GLI2: variants seen among roughly 807,000 people sequenced by gnomAD.
GLI2 encodes GLI family zinc finger 2, also known as transcription activator GLI2.
Under a neutral mutation model 78.9 loss-of-function variants are expected in GLI2, and 22 were observed. The observed-to-expected ratio is 0.28, with a 90% CI of 0.20 to 0.40. GLI2 has a LOEUF of 0.40. Among genes scored for constraint, GLI2 ranks in the 10% least tolerant of loss-of-function variants. The pLI is 1.00. For synonymous variants in GLI2, 974 were observed against 963.7 expected (o/e 1.01, Z -0.20); for missense variants, 2,097 against 2,213.2 (o/e 0.95, Z 1.05).
intron 1 of GLI2, among the ~76,000 whole-genome samples, chr2:120,769,504 G>A (rs117545885): frequency 9.2e-5 from 14 of 152,316 alleles, no homozygotes; most frequent in Admixed American, 6.5e-4. Flanking sequence ...CTGGCCCAGC[G>A]CTCCCAGCTA....
chr2:120,801,161 C>A (rs1453878363), intron 2 of GLI2, among the ~76,000 whole-genome samples: 1 of 151,986 alleles, frequency 6.6e-6, no homozygotes, highest in Non-Finnish European at 1.5e-5. Context: ...TTTTTTGAGA[C>A]AGAGTCTCAC....
rs544717573 is a variant in GLI2, at chr2:120,825,807, C to T, written c.148+28339C>T. On this transcript the variant is annotated intron_variant, in intron 2 of 13. Transcript: ENST00000361492. Reference sequence around the variant, plus strand: ...TGTGGGTGTCTTCTGACAAGTCTTACCCCTGCCCCTAGGGCTAAGCCCCAA... The same window carrying T: ...TGTGGGTGTCTTCTGACAAGTCTTATCCCTGCCCCTAGGGCTAAGCCCCAA... Among the ~76,000 whole-genome samples the T allele has an allele frequency of 7.2e-5, 11 of 152,352 alleles. 1 individual carries two copies. Among genetic ancestry groups the T allele is most frequent in the Admixed American group, 7.2e-4 (11 of 15,310 alleles).
At chr2:120,940,518 T>C (rs978587359) in intron 3 of GLI2, among the ~76,000 whole-genome samples, 7 of 152,166 alleles carry the variant, frequency 4.6e-5, no homozygotes, top group African/African-American at 1.7e-4. Context: ...CCCTCTCAGA[T>C]TGCACCAACA....
At chr2:120,784,770 C>A (rs962737063) in intron 1 of GLI2, among the ~76,000 whole-genome samples, 65 of 152,274 alleles carry the variant, frequency 4.3e-4, no homozygotes, top group African/African-American at 1.5e-3. Context: ...GCTCACTCAT[C>A]CCTGCCTCCA....
rs536330173 is a variant in GLI2 at position 120,924,896 on chromosome 2, C to T, written c.149-2465C>T. On this transcript the variant is annotated intron_variant, in intron 2 of 13. Transcript: ENST00000361492. ...GTGTCCTATCTGCACAGTCTCCGGG[C>T]GAAGCGCCTCCTGTGTGTGGGCTTT... Among the ~76,000 whole-genome samples, 53 of 152,346 alleles carry T rather than the reference C, an allele frequency of 3.5e-4. 2 individuals carry two copies. Among genetic ancestry groups the T allele is most frequent in the Admixed American group, 2.5e-3 (38 of 15,302 alleles).
intron 1 of GLI2, among the ~76,000 whole-genome samples, chr2:120,774,396 C>G (rs188085341): frequency 2.6e-5 from 4 of 152,336 alleles, no homozygotes; most frequent in East Asian, 3.9e-4. Context: ...CCACCACTAT[C>G]TAAACCACTA....
At position 120,855,603 on chromosome 2, in the gene GLI2, C is replaced by T. The variant is rs550631048; in HGVS notation, c.148+58135C>T. Among the ~76,000 whole-genome samples the T allele has an allele frequency of 1.4e-4, 21 of 152,340 alleles. No homozygotes were observed. The South Asian group carries it at 1.9e-3, about 14-fold the overall frequency. ...TCCCAAAGACGCTCTCCAGAGAAAC[C>T]GTGGAGCCCCCCAGGGGAATTGAGA... On this transcript the variant is annotated intron_variant, in intron 2 of 13. Transcript: ENST00000361492.
chr2:120,741,841 C>G (rs1162676836), intron 1 of GLI2, among the ~76,000 whole-genome samples: 3 of 152,174 alleles, frequency 2.0e-5, no homozygotes, highest in Admixed American at 6.5e-5. Context: ...AGCCGCACAC[C>G]GGCCGCCGCC....
At chr2:120,843,088 C>G (rs1197352013) in intron 2 of GLI2, among the ~76,000 whole-genome samples, 2 of 152,186 alleles carry the variant, frequency 1.3e-5, no homozygotes, top group Non-Finnish European at 2.9e-5. Flanking sequence ...CAAGATAAGA[C>G]CTTATCTGCT....
chr2:120,860,236 AGAG>A (rs981941368), intron 2 of GLI2, among the ~76,000 whole-genome samples: 3 of 152,166 alleles, frequency 2.0e-5, no homozygotes, highest in African/African-American at 7.2e-5. Context: ...TCAGGTGTTT[AGAG>A]TAAGGTCAAG....
chr2:120,853,245 C>T (rs1046583291), intron 2 of GLI2, among the ~76,000 whole-genome samples: 5 of 152,200 alleles, frequency 3.3e-5, no homozygotes, highest in East Asian at 1.9e-4. Flanking sequence ...CAGACCAGGA[C>T]GAGGAGGTTG....
At chr2:120,787,763 G>C (rs1684038485) in intron 1 of GLI2, among the ~76,000 whole-genome samples, 1 of 152,252 alleles carries the variant, frequency 6.6e-6, no homozygotes, top group Admixed American at 6.5e-5. Flanking sequence ...TGCTGGGTCA[G>C]CGGTGCTGGG....
intron 2 of GLI2, among the ~76,000 whole-genome samples, chr2:120,865,157 G>A (rs140730266): frequency 1.2e-3 from 176 of 152,232 alleles, no homozygotes; most frequent in Non-Finnish European, 1.8e-3. Flanking sequence ...CTGACTAAAC[G>A]TGGCTCGAGT....
At chr2:120,918,379 G>T (rs1194398036) in intron 2 of GLI2, among the ~76,000 whole-genome samples, 5 of 151,874 alleles carry the variant, frequency 3.3e-5, no homozygotes, top group Non-Finnish European at 5.9e-5. Context: ...TCTGCTCAGA[G>T]ATGGGGAAGG....
intron 3 of GLI2, among the ~76,000 whole-genome samples, chr2:120,948,903 C>T (rs1045439564): frequency 6.6e-6 from 1 of 152,098 alleles, no homozygotes; most frequent in South Asian, 2.1e-4. Context: ...TGGGGAGGAC[C>T]GAGAAGTCAG....
chr2:120,967,717 G>A (rs570582898), intron 5 of GLI2, among the ~76,000 whole-genome samples: 3 of 152,358 alleles, frequency 2.0e-5, no homozygotes, highest in African/African-American at 7.2e-5. Flanking sequence ...TGGGTGATGT[G>A]TGCACCTGCG....
intron 6 of GLI2, 68 bp downstream of exon 6, chr2:120,968,983 G>A: frequency 7.9e-7 from 1 of 1,272,726 alleles, no homozygotes; most frequent in Middle Eastern, 1.9e-4. Flanking sequence ...GGGAGGCGCT[G>A]GCTTTTCAGT....
At chr2:120,965,710 C>A (rs986562324) in intron 5 of GLI2, among the ~76,000 whole-genome samples, 1 of 152,256 alleles carries the variant, frequency 6.6e-6, no homozygotes, top group Non-Finnish European at 1.5e-5. Context: ...ACCCAGGATG[C>A]CCCTGTTTGC....
At chr2:120,749,219 A>C (rs1399594113) in intron 1 of GLI2, among the ~76,000 whole-genome samples, 2 of 152,222 alleles carry the variant, frequency 1.3e-5, no homozygotes, top group African/African-American at 4.8e-5. Context: ...ATTTTGGGAA[A>C]TGTTTCAAGG....
Sources: allele counts gnomAD v4.1 joint callset (sites outside exome capture counted in the v4.1 genomes callset), GRCh38; gene constraint gnomAD v4.1.1; transcripts MANE v1.5; gene names NCBI Gene and HGNC (gene_info 2026-07-23, HGNC 2026-07-21).